Variants in SYNE2 observed in about 807,000 individuals in gnomAD.
SYNE2 encodes nesprin-2.
Under a neutral mutation model 856.3 loss-of-function variants are expected in SYNE2, and 431 were observed. That is an observed-to-expected ratio of 0.50 (90% CI 0.47 to 0.55). The LOEUF (loss-of-function observed/expected upper bound fraction) is 0.55. Ranked by LOEUF, SYNE2 falls within the 20% of genes least tolerant of loss-of-function variation. The pLI, the probability that SYNE2 is intolerant of heterozygous loss-of-function variation, is 0.00. For synonymous variants in SYNE2, 2,923 were observed against 2,872.3 expected, an observed-to-expected ratio of 1.02 and a Z score of -0.56; for missense variants, 8,129 against 8,023.2, an observed-to-expected ratio of 1.01 and a Z score of -0.50.
intron 1 of SYNE2, among the ~76,000 whole-genome samples, chr14:63,783,259 A>G (rs1015396868): frequency 5.3e-5 from 8 of 152,156 alleles, no homozygotes; most frequent in African/African-American, 1.4e-4. Flanking sequence ...CGGCCTTGTG[A>G]AGAGGGTATC....
intron 54 of SYNE2, among the ~76,000 whole-genome samples, chr14:64,077,965 T>G (rs1318492412): frequency 6.6e-6 from 1 of 152,174 alleles, no homozygotes; most frequent in Non-Finnish European, 1.5e-5. Context: ...TTTTAGAAGG[T>G]TGTTTCACCC....
At chr14:64,183,091 C>T (rs9888627) in intron 96 of SYNE2, among the ~76,000 whole-genome samples, 9 of 141,454 alleles carry the variant, frequency 6.4e-5, no homozygotes, top group South Asian at 2.2e-4. Context: ...GGGCGGCTGC[C>T]GGGCGGAGGG....
intron 37 of SYNE2, 87 bp downstream of exon 37, chr14:64,022,115 A>G (rs1342717965): frequency 1.2e-5 from 15 of 1,276,886 alleles, no homozygotes; most frequent in East Asian, 2.3e-5. Flanking sequence ...TCTAAGCCTG[A>G]CTTAGAGATG....
Position 64,134,215 on chromosome 14 carries a change from T to C in SYNE2, c.14646+15T>C. 6.2e-7 allele frequency: 1 copy of C among 1,613,870 alleles called. No homozygotes were observed. Among genetic ancestry groups the C allele is most frequent in the Non-Finnish European group, 8.5e-7 (1 of 1,179,804 alleles). ...CATTTTACCAGGTATTTGTCTTCCA[T>C]TTAAGTTATCAAAGGCGTGTCCATA... is the stretch of plus-strand genomic sequence containing the variant. On this transcript the variant is annotated intron_variant, in intron 78 of 115. Transcript: ENST00000555002.
intron 45 of SYNE2, among the ~76,000 whole-genome samples, chr14:64,033,326 A>G (rs536410263): frequency 6.6e-6 from 1 of 152,324 alleles, no homozygotes; most frequent in Admixed American, 6.5e-5. Flanking sequence ...TTTGACTGTG[A>G]ACCCCCAAAA....
intron 1 of SYNE2, among the ~76,000 whole-genome samples, chr14:63,795,074 T>C (rs1887872359): frequency 6.6e-6 from 1 of 152,108 alleles, no homozygotes; most frequent in Non-Finnish European, 1.5e-5. Flanking sequence ...CCTGCCTAAT[T>C]TTTTTATTTT....
chr14:64,038,094 C>A (rs1161800535), intron 45 of SYNE2, among the ~76,000 whole-genome samples: 1 of 151,408 alleles, frequency 6.6e-6, no homozygotes, highest in Admixed American at 6.6e-5. Context: ...ACGGGGCGGC[C>A]GGGCAGAGAT....
At chr14:64,000,754 T>C (rs776016054) in intron 28 of SYNE2, 35 bp downstream of exon 28, 3 of 1,576,896 alleles carry the variant, frequency 1.9e-6, no homozygotes, top group South Asian at 2.3e-5. Flanking sequence ...ATGAATCTAA[T>C]AAACTCACTA....
chr14:64,100,557 T>G (rs533828204), intron 63 of SYNE2, among the ~76,000 whole-genome samples: 2 of 128,786 alleles, frequency 1.6e-5, no homozygotes, highest in African/African-American at 5.9e-5. Context: ...TATATATATA[T>G]ATATATATAT....
chr14:63,860,480 T>C (rs925429540), intron 1 of SYNE2, among the ~76,000 whole-genome samples: 3 of 152,246 alleles, frequency 2.0e-5, no homozygotes, highest in Non-Finnish European at 2.9e-5. Flanking sequence ...AAGCACTTGC[T>C]AATAGCCCCT....
At chr14:64,038,200 GAT>G (rs2097114213) in intron 45 of SYNE2, among the ~76,000 whole-genome samples, 1 of 151,790 alleles carries the variant, frequency 6.6e-6, no homozygotes, top group African/African-American at 2.4e-5. Context: ...CATCTCAGAC[GAT>G]GGGCGGCCGG....
chr14:64,057,213 A>T (rs1301350568), intron 49 of SYNE2, among the ~76,000 whole-genome samples: 1 of 151,732 alleles, frequency 6.6e-6, no homozygotes, highest in African/African-American at 2.4e-5. Flanking sequence ...TCAATACTAG[A>T]TCTTATTCAT....
intron 1 of SYNE2, among the ~76,000 whole-genome samples, chr14:63,866,126 A>C (rs373247437): frequency 3.3e-5 from 5 of 152,326 alleles, no homozygotes; most frequent in Admixed American, 6.5e-5. Context: ...CTCAACCAAC[A>C]AGAAACACCA....
chr14:64,146,322 C>G, intron 84 of SYNE2, 99 bp downstream of exon 84: 1 of 1,098,238 alleles, frequency 9.1e-7, no homozygotes. Context: ...TGGAAACTCT[C>G]TTCCAGCTCC....
chr14:64,018,493 C>T (rs932922246), intron 34 of SYNE2, among the ~76,000 whole-genome samples: 4 of 152,186 alleles, frequency 2.6e-5, no homozygotes, highest in South Asian at 4.1e-4. Context: ...CCGCCCACCT[C>T]GGCCTCCCAA....
intron 9 of SYNE2, among the ~76,000 whole-genome samples, chr14:63,963,302 C>G (rs1347163943): frequency 6.6e-6 from 1 of 152,084 alleles, no homozygotes; most frequent in African/African-American, 2.4e-5. Flanking sequence ...TATTAGAAAA[C>G]TTTTACTTAA....
chr14:64,172,627 G>C (rs1382406966), intron 94 of SYNE2, among the ~76,000 whole-genome samples: 2 of 152,138 alleles, frequency 1.3e-5, no homozygotes, highest in African/African-American at 4.8e-5. Context: ...GTCCACATGA[G>C]TTTGAGAGGA....
At chr14:63,939,019 G>T (rs1337349644) in intron 2 of SYNE2, among the ~76,000 whole-genome samples, 3 of 152,150 alleles carry the variant, frequency 2.0e-5, no homozygotes, top group Non-Finnish European at 4.4e-5. Context: ...TATAAGCAAG[G>T]ATAAAGGGTA....
intron 1 of SYNE2, among the ~76,000 whole-genome samples, chr14:63,783,385 C>CT (rs1180984197): frequency 4.0e-5 from 6 of 151,746 alleles, no homozygotes; most frequent in African/African-American, 1.2e-4. Flanking sequence ...TCTTCTTCTT[C>CT]TTTTTTTTCT....
Sources: allele counts gnomAD v4.1 joint callset (sites outside exome capture counted in the v4.1 genomes callset), GRCh38; gene constraint gnomAD v4.1.1; transcripts MANE v1.5; gene names NCBI Gene and HGNC (gene_info 2026-07-23, HGNC 2026-07-21).